CSTL1: variants seen among roughly 807,000 people sequenced by gnomAD.
CSTL1 encodes the protein cystatin like 1.
A neutral mutation model predicts 14.4 loss-of-function variants in CSTL1; 14 were observed. The observed-to-expected ratio is 0.97, with a 90% CI of 0.64 to 1.52. The LOEUF (loss-of-function observed/expected upper bound fraction) is 1.52, where lower values mean the gene tolerates loss of function less well. Among genes scored for constraint, CSTL1 ranks in the 40% most tolerant of loss-of-function variants. The pLI is 0.00. For synonymous variants in CSTL1, 72 were observed against 67.5 expected (o/e 1.07, Z -0.33); for missense variants, 170 against 168.7 (o/e 1.01, Z -0.04).
At chr20:23,443,262 T>G (rs1283604954) in intron 2 of CSTL1, among the ~76,000 whole-genome samples, 1 of 152,220 alleles carries the variant, frequency 6.6e-6, no homozygotes, top group Non-Finnish European at 1.5e-5. Flanking sequence ...GCAGACACTT[T>G]GCTAAAAGAT....
chr20:23,450,665 C>T, the CSTL1 span: 2 of 1,096,940 alleles, frequency 1.8e-6, no homozygotes, highest in Non-Finnish European at 2.6e-6. Context: ...GGATGTAAGA[C>T]ACGAAGATGG....
downstream of CSTL1, among the ~76,000 whole-genome samples, chr20:23,449,240 C>A (rs909529796): frequency 6.6e-6 from 1 of 152,070 alleles, no homozygotes; most frequent in Non-Finnish European, 1.5e-5. Flanking sequence ...ATTTGTGCAC[C>A]GTCTCTGCCG....
At chr20:23,448,437 A>G (rs1987009085), downstream of CSTL1, among the ~76,000 whole-genome samples, 2 of 152,154 alleles carry the variant, frequency 1.3e-5, no homozygotes, top group African/African-American at 4.8e-5. Context: ...GGTGCTGGTT[A>G]CACGAATGTA....
the CSTL1 span, among the ~76,000 whole-genome samples, chr20:23,455,651 T>C: frequency 6.6e-6 from 1 of 152,224 alleles, no homozygotes; most frequent in African/African-American, 2.4e-5. Context: ...GGGCAGCCCA[T>C]GGGCCTTCAC....
chr20:23,444,842 T>G lies in CSTL1; in HGVS notation c.402T>G (p.Cys134Trp), dbSNP rs1323067289. The G allele has an allele frequency of 6.2e-7, 1 of 1,613,882 alleles. No individual in the cohort carries two copies. Among genetic ancestry groups the G allele is most frequent in the Non-Finnish European group, 8.5e-7 (1 of 1,179,868 alleles). Residue 134 changes from cysteine (C) to tryptophan (W), a missense_variant, in exon 4 of 4, where the codon TGT becomes TGG. Cys to Trp is a radical substitution (Grantham distance 215, BLOSUM62 -2). Transcript: ENST00000347397. ...ATTTCCAGCTCTGGAACAATTCCTG[T>G]CTGGAGGCCGAGCATGTGGGCAGAA... ...INYFQLWNNS[C>W]LEAEHVGRNL...
At chr20:23,444,480 G>A (rs755242234) in intron 3 of CSTL1, among the ~76,000 whole-genome samples, 30 of 152,206 alleles carry the variant, frequency 2.0e-4, no homozygotes, top group Non-Finnish European at 3.8e-4. Context: ...AGGAGGTAAC[G>A]ATGCTATTGC....
At chr20:23,444,749 T>C in intron 3 of CSTL1, 22 bp from the exon 4 acceptor site, 4 of 1,526,912 alleles carry the variant, frequency 2.6e-6, no homozygotes, top group Non-Finnish European at 3.6e-6. Context: ...CCCCAAAGTC[T>C]GTTTTCTTTC....
At chr20:23,445,509 T>G (rs1200619374), downstream of CSTL1, among the ~76,000 whole-genome samples, 1 of 152,204 alleles carries the variant, frequency 6.6e-6, no homozygotes, top group East Asian at 1.9e-4. Flanking sequence ...TCCTCCTGCC[T>G]CAGTCTCCCA....
downstream of CSTL1, among the ~76,000 whole-genome samples, chr20:23,446,742 C>G (rs1001488160): frequency 3.3e-5 from 5 of 152,216 alleles, no homozygotes; most frequent in African/African-American, 1.2e-4. Context: ...TAGCCACAGA[C>G]AATGGCTGAC....
chr20:23,441,869 G>T (rs181349636), intron 2 of CSTL1, among the ~76,000 whole-genome samples: 6 of 152,178 alleles, frequency 3.9e-5, no homozygotes, highest in Non-Finnish European at 7.3e-5. Context: ...AAGCTCTCTC[G>T]CCAGAGAGTA....
At chr20:23,451,811 A>G in the CSTL1 span, 13 of 1,611,288 alleles carry the variant, frequency 8.1e-6, no homozygotes, top group Non-Finnish European at 1.1e-5. Flanking sequence ...GCTTTTACCC[A>G]ATACCTTGTG....
At chr20:23,450,555 G>C in the CSTL1 span, 1 of 1,611,224 alleles carries the variant, frequency 6.2e-7, no homozygotes, top group Non-Finnish European at 8.5e-7. Flanking sequence ...TTCAAACCAG[G>C]GTACAGCAAA....
chr20:23,460,068 G>A, the CSTL1 span, among the ~76,000 whole-genome samples: 4 of 152,224 alleles, frequency 2.6e-5, no homozygotes, highest in African/African-American at 9.6e-5. Flanking sequence ...AACATTAGAT[G>A]AGAATGCCTT....
At chr20:23,444,382 G>C (rs1329165451) in intron 3 of CSTL1, among the ~76,000 whole-genome samples, 1 of 152,200 alleles carries the variant, frequency 6.6e-6, no homozygotes, top group Non-Finnish European at 1.5e-5. Flanking sequence ...TTTCCTCCTT[G>C]TTCCCTTCTA....
chr20:23,452,060 A>G, the CSTL1 span: 8 of 590,718 alleles, frequency 1.4e-5, no homozygotes, highest in African/African-American at 1.3e-4. Flanking sequence ...TCTCTCCTCT[A>G]TTTGACTCAT....
the CSTL1 span, chr20:23,452,602 G>C: frequency 6.2e-7 from 1 of 1,612,140 alleles, no homozygotes; most frequent in Admixed American, 1.7e-5. Context: ...GGACTTTAAG[G>C]ACTCGGAAGA....
the CSTL1 span, among the ~76,000 whole-genome samples, chr20:23,455,228 T>C: frequency 6.6e-6 from 1 of 152,218 alleles, no homozygotes. Flanking sequence ...TTTTCTTGTT[T>C]ATATAAATAA....
intron 1 of CSTL1, 148 bp from the exon 2 acceptor site, chr20:23,439,996 G>T (rs940549623): frequency 7.1e-5 from 33 of 462,142 alleles, no homozygotes; most frequent in South Asian, 6.2e-4. Flanking sequence ...TGAAGGCAGG[G>T]AGAGGGGCTT....
Position 23,443,932 on chromosome 20 carries a change from A to G in CSTL1, c.220-2A>G, listed in dbSNP as rs181837110. The stretch of plus-strand genomic sequence containing the variant: ...ACTAACAGCACAACTGATTCTCGGC[A>G]GCTGACGACGGGAGTGGAGTATATA... On this transcript the variant is annotated splice_acceptor_variant, in intron 2 of 3. Coordinates refer to ENST00000347397, the MANE Select transcript of CSTL1 (RefSeq NM_138283.1). LOFTEE classifies it high-confidence loss of function. 4.2e-5 allele frequency: 68 copies of G among 1,611,620 alleles called. No homozygotes were observed. The East Asian group carries it at 1.5e-3, about 35-fold the overall frequency.
Sources: allele counts gnomAD v4.1 joint callset (sites outside exome capture counted in the v4.1 genomes callset), GRCh38; gene constraint gnomAD v4.1.1; transcripts MANE v1.5; gene names NCBI Gene and HGNC (gene_info 2026-07-23, HGNC 2026-07-21).